The following ZNF335 variants were observed in gnomAD, a reference collection of about 807,000 sequenced individuals.
ZNF335 encodes the protein NRC-interacting factor 1.
Under a neutral mutation model 145.6 loss-of-function variants are expected in ZNF335, and 84 were observed. That is an observed-to-expected ratio of 0.58 (90% CI 0.48 to 0.69). ZNF335 has a LOEUF of 0.69. Among genes scored for constraint, ZNF335 ranks in the 30% least tolerant of loss-of-function variants. The pLI, the probability that ZNF335 is intolerant of heterozygous loss-of-function variation, is 0.00. For missense variants in ZNF335, 1,865 were observed against 1,809.7 expected (o/e 1.03, Z -0.55); for synonymous variants, 761 against 717.0 (o/e 1.06, Z -0.98).
rs11472570 is a variant in ZNF335, at chr20:45,965,030, A to AAATAATAATAAT, written c.1102+586_1102+597dup. On this transcript the variant is annotated intron_variant, in intron 7 of 27. Coordinates refer to ENST00000322927, the MANE Select transcript of ZNF335 (RefSeq NM_022095.4). ...CGGGCAAGAGTGAAACTCTGTCTCA[A>AAATAATAATAAT]AATAATAATAATAATAATAATAATA... 6.2e-3 allele frequency among the ~76,000 whole-genome samples: 878 copies of AAATAATAATAAT among 141,358 alleles called. 8 individuals are homozygous for AAATAATAATAAT. Among genetic ancestry groups the AAATAATAATAAT allele is most frequent in the African/African-American group, 0.01 (403 of 38,496 alleles). The allele number at this position is 141,358 out of a possible 152,430, so 92.7% of individuals were successfully genotyped here. A position where few individuals can be genotyped will look rare whatever the true frequency, so the allele number is the denominator to read the frequency against.
rs1287569013 is a variant in ZNF335, at chr20:45,960,503, C to T, written c.1805G>A (p.Arg602His). The T allele has an allele frequency of 3.1e-6, 5 of 1,614,002 alleles. No individual in the cohort carries two copies. Among genetic ancestry groups the T allele is most frequent in the East Asian group, 2.2e-5 (1 of 44,882 alleles). The change falls in exon 13 of 28, where the codon CGC becomes CAC. Residue 602 changes from arginine (R) to histidine (H), a missense_variant. By Grantham distance (29) the Arg-to-His change is conservative. Transcript: ENST00000322927. ...GAGCAGGTGCATTTTGAAGGTGTAG[C>T]GCTTCTTAAAGGACTTTCCACACTG... ...CDKCGKSFKK[R>H]YTFKMHLLTH...
chr20:45,963,819 G>A lies in ZNF335; in HGVS notation c.1274C>T (p.Pro425Leu), dbSNP rs773711983. 1.2e-6 allele frequency: 2 copies of A among 1,614,120 alleles called. No homozygotes were observed. The highest frequency in any genetic ancestry group is 1.7e-5 in the Admixed American group (1 of 60,004). ...VSQSDAENAA[P>L]SCPDEHDTLP... Reference sequence around the variant, plus strand: ...AGTGTCATGCTCATCCGGGCAGGAGGGGGCTGCGTTCTCTGCATCTGACTG... The same window carrying A: ...AGTGTCATGCTCATCCGGGCAGGAGAGGGCTGCGTTCTCTGCATCTGACTG... The change falls in exon 8 of 28, where the codon CCC becomes CTC. Residue 425 changes from proline to leucine, a missense_variant. Coordinates refer to ENST00000322927, the MANE Select transcript of ZNF335 (RefSeq NM_022095.4).
At chr20:45,961,944 G>C in intron 10 of ZNF335, 126 bp downstream of exon 10, 1 of 752,124 alleles carries the variant, frequency 1.3e-6, no homozygotes, top group Non-Finnish European at 2.2e-6. Flanking sequence ...CATGCCTGTA[G>C]TGTGCAGCAA....
intron 17 of ZNF335, among the ~76,000 whole-genome samples, chr20:45,956,416 T>C (rs187424668): frequency 1.3e-5 from 2 of 152,146 alleles, no homozygotes; most frequent in Non-Finnish European, 2.9e-5. Context: ...TTAGTAGCAA[T>C]GGGGTTTCTC....
At chr20:45,969,905 G>A (rs1600553068) in intron 2 of ZNF335, 1 of 495,846 alleles carries the variant, frequency 2.0e-6, no homozygotes, top group Non-Finnish European at 3.5e-6. Context: ...ATCTCATCAG[G>A]GAATACACAA....
In ZNF335 at chr20:45,950,040, C is replaced by T; in HGVS notation, c.3517G>A (p.Gly1173Ser). The stretch of plus-strand genomic sequence containing the variant: ...AGTGCCTGCTGTAGCCGCTCTGGGC[C>T]CAGGACCCCGTGACTGGACTGGAGT... The part of the protein sequence containing the change: ...TALQSSHGVL[G>S]PERLQQALSQ... Residue 1173 changes from glycine (G) to serine (S), a missense_variant, in exon 23 of 28, where the codon GGC (glycine) becomes AGC (serine). Coordinates refer to ENST00000322927, the MANE Select transcript of ZNF335 (RefSeq NM_022095.4). 2 of 1,613,944 alleles carry T rather than the reference C, an allele frequency of 1.2e-6. No individual in the cohort carries two copies. Among genetic ancestry groups the T allele is most frequent in the Non-Finnish European group, 1.7e-6 (2 of 1,179,976 alleles).
At position 45,971,794 on chromosome 20, in the gene ZNF335, G is replaced by T. The variant is rs920772216; in HGVS notation, c.-51+328C>A. On this transcript the variant is annotated intron_variant, in intron 1 of 27. Coordinates refer to ENST00000322927, the MANE Select transcript of ZNF335 (RefSeq NM_022095.4). ...TTCGGCCCCCGCGTCCCCCCGGGTTGCAGGGCCGGTGGTACAGCCCGCTGG... is the reference window on the plus strand; with the variant it reads ...TTCGGCCCCCGCGTCCCCCCGGGTTTCAGGGCCGGTGGTACAGCCCGCTGG... 7 of 985,272 alleles carry T rather than the reference G, an allele frequency of 7.1e-6. No homozygotes were observed. The African/African-American group carries it at 1.0e-4, about 15-fold the overall frequency. The allele number at this position is 985,272 out of a possible 1,614,324, so 61.0% of individuals were successfully genotyped here.
At chr20:45,968,417 G>A in intron 3 of ZNF335, 55 bp from the exon 4 acceptor site, 2 of 1,548,602 alleles carry the variant, frequency 1.3e-6, no homozygotes, top group Non-Finnish European at 1.8e-6. Context: ...CCAGCAACAG[G>A]CCCACCCCCA....
chr20:45,960,651 TCTTCATGTGCTGCGTGA>T lies in ZNF335; in HGVS notation c.1730_1746del (p.Leu577HisfsTer5). 6.2e-7 allele frequency: 1 copy of T among 1,614,082 alleles called. No homozygotes were observed. Among genetic ancestry groups the T allele is most frequent in the South Asian group, 1.1e-5 (1 of 91,078 alleles). On this transcript the variant is annotated frameshift_variant, in exon 12 of 28. Transcript: ENST00000322927. LOFTEE classifies it high-confidence loss of function. ...ATGTGGGGCTTCTCAGTGCTGTGCGTCTTCATGTGCTGCGTGAGTCTTTTCTGCATGGGGTACACACG... is the reference window on the plus strand; with the variant it reads ...ATGTGGGGCTTCTCAGTGCTGTGCGTGTCTTTTCTGCATGGGGTACACACG...
intron 9 of ZNF335, among the ~76,000 whole-genome samples, chr20:45,962,423 C>G (rs1407613933): frequency 2.6e-5 from 4 of 152,244 alleles, no homozygotes; most frequent in Non-Finnish European, 4.4e-5. Context: ...AAGAAGGAAC[C>G]TGAGTCTCAG....
At chr20:45,954,770 C>CTTTT in intron 17 of ZNF335, among the ~76,000 whole-genome samples, 1 of 90,152 alleles carries the variant, frequency 1.1e-5, no homozygotes, top group South Asian at 4.0e-4. Context: ...CATACAATTA[C>CTTTT]TTTTTTTTTT....
intron 7 of ZNF335, among the ~76,000 whole-genome samples, chr20:45,964,777 C>T (rs1461126946): frequency 6.6e-6 from 1 of 152,114 alleles, no homozygotes; most frequent in East Asian, 1.9e-4. Context: ...TGGCTCACGC[C>T]TGTAATCCCA....
intron 15 of ZNF335, 23 bp from the exon 16 acceptor site, chr20:45,957,951 C>A: frequency 6.2e-7 from 1 of 1,604,968 alleles, no homozygotes; most frequent in East Asian, 2.2e-5. Context: ...GATATGGCCA[C>A]GCCTGAGAGG....
At position 45,960,328 on chromosome 20, in the gene ZNF335, T is replaced by C; in HGVS notation, c.1900A>G (p.Lys634Glu). The C allele has an allele frequency of 6.2e-7, 1 of 1,614,138 alleles. No homozygotes were observed. The highest frequency in any genetic ancestry group is 8.5e-7 in the Non-Finnish European group (1 of 1,180,004). ...EFCEFVCEDK[K>E]ALLNHQLSHV... The stretch of plus-strand genomic sequence containing the variant: ...GACAACTGGTGGTTCAGCAGTGCCT[T>C]CTTGTCTTCACAAACAAACTCACAG... The change falls in exon 14 of 28, where the codon AAG becomes GAG. Residue 634 changes from lysine to glutamate, a missense_variant. Coordinates refer to ENST00000322927, the MANE Select transcript of ZNF335 (RefSeq NM_022095.4).
At position 45,949,878 on chromosome 20, in the gene ZNF335, C is replaced by T. The variant is rs753494159; in HGVS notation, c.3592-1G>A. On this transcript the variant is annotated splice_acceptor_variant, in intron 23 of 27. Transcript: ENST00000322927. LOFTEE classifies it high-confidence loss of function. ...TCTCTTGGATGTAGGCGGCTTCCTCCTGCCAGGACCAAGACAGCTCTAGCC... is the reference window on the plus strand; with the variant it reads ...TCTCTTGGATGTAGGCGGCTTCCTCTTGCCAGGACCAAGACAGCTCTAGCC... The T allele has an allele frequency of 3.1e-6, 5 of 1,614,152 alleles. No individual in the cohort carries two copies. The highest frequency in any genetic ancestry group is 2.2e-5 in the East Asian group (1 of 44,882).
At position 45,971,472 on chromosome 20, in the gene ZNF335, G is replaced by C; in HGVS notation, c.-50-12C>G. ...CTGGGAACTTCACTCTGAGAAGAGA[G>C]GTGACCGTGGCTGGAACAAGTGGGC... On this transcript the variant is annotated splice_polypyrimidine_tract_variant and intron_variant, in intron 1 of 27. Coordinates refer to ENST00000322927, the MANE Select transcript of ZNF335 (RefSeq NM_022095.4). The C allele has an allele frequency of 6.3e-7, 1 of 1,577,346 alleles. No homozygotes were observed.
In ZNF335 at chr20:45,948,832, G is replaced by A. The variant is rs1488338021; in HGVS notation, c.*121C>T. On this transcript the variant is annotated 3_prime_UTR_variant, in exon 28 of 28. Coordinates refer to ENST00000322927, the MANE Select transcript of ZNF335 (RefSeq NM_022095.4). ...AGCACAGGTCTGGCTCCCTGGGAAT[G>A]AGAGGATGCTGGCTATCCAGTATCT... The A allele has an allele frequency of 7.3e-6, 11 of 1,496,682 alleles. 1 individual carries two copies. In the Admixed American group the frequency reaches 1.9e-4, roughly 26 times the overall value. 92.7% of individuals were successfully genotyped at this position (1,496,682 alleles called of 1,614,324 possible).
chr20:45,954,604 C>T (rs1320283525), intron 17 of ZNF335, among the ~76,000 whole-genome samples: 1 of 151,904 alleles, frequency 6.6e-6, no homozygotes, highest in Non-Finnish European at 1.5e-5. Flanking sequence ...TATTTCACAA[C>T]TCATAAAAAG....
Position 45,953,852 on chromosome 20 carries a change from G to A in ZNF335, c.2539C>T (p.His847Tyr), listed in dbSNP as rs1306496499. The change falls in exon 18 of 28, where the codon CAC becomes TAC. Residue 847 changes from histidine to tyrosine, a missense_variant. Physicochemically the swap from His to Tyr is moderately conservative, Grantham distance 83. Transcript: ENST00000322927. ...GCACCGCCCCCTGGCTCTGCCACGT[G>A]GAGGGTGACCACCTGTGGAGTGGCA... ...EGATPQVVTL[H>Y]VAEPGGGAAA... 6.2e-7 allele frequency: 1 copy of A among 1,614,030 alleles called. No homozygotes were observed. Among genetic ancestry groups the A allele is most frequent in the Non-Finnish European group, 8.5e-7 (1 of 1,180,034 alleles).
Sources: allele counts gnomAD v4.1 joint callset (sites outside exome capture counted in the v4.1 genomes callset), GRCh38; gene constraint gnomAD v4.1.1; transcripts MANE v1.5; gene names NCBI Gene and HGNC (gene_info 2026-07-23, HGNC 2026-07-21).